The following RETREG3 variants were observed in gnomAD, a reference collection of about 807,000 sequenced individuals.
The protein encoded by RETREG3 is reticulophagy regulator family member 3.
A neutral mutation model predicts 50.2 loss-of-function variants in RETREG3; 23 were observed. The observed-to-expected ratio is 0.46, with a 90% CI of 0.33 to 0.65. The LOEUF is 0.65. Ranked by LOEUF, RETREG3 falls within the 30% of genes least tolerant of loss-of-function variation. RETREG3 has a pLI of 0.02. For synonymous variants in RETREG3, 240 were observed against 234.4 expected (o/e 1.02, Z -0.22); for missense variants, 546 against 598.0 (o/e 0.91, Z 0.91).
At chr17:42,582,337 G>T in intron 8 of RETREG3, 67 bp from the exon 9 acceptor site, 1 of 1,472,380 alleles carries the variant, frequency 6.8e-7, no homozygotes, top group Non-Finnish European at 9.1e-7. Flanking sequence ...AGCCCCACAT[G>T]ACCAGATTTT....
In RETREG3 at chr17:42,609,178, G is replaced by GT; in HGVS notation, c.146dup (p.Tyr49Ter). 1 of 1,609,430 alleles carries GT rather than the reference G, an allele frequency of 6.2e-7. No individual in the cohort carries two copies. The highest frequency in any genetic ancestry group is 8.5e-7 in the Non-Finnish European group (1 of 1,179,752). ...QRALVEVLGP[Y>*]EPLLSRVQAA... Reference sequence around the variant, plus strand: ...CCTGCACCCGACTCAGCAGAGGCTCGTAAGGCCCCAGCACCTCCACCAGGG... The same window carrying GT: ...CCTGCACCCGACTCAGCAGAGGCTCGTTAAGGCCCCAGCACCTCCACCAGGG... The change falls in exon 1 of 9, where the codon TAC becomes TAAC. Residue 49 changes from tyrosine (Y) to a stop codon, truncating the protein, a stop_gained and frameshift_variant. Transcript: ENST00000309428. LOFTEE classifies it high-confidence loss of function.
intron 1 of RETREG3, among the ~76,000 whole-genome samples, chr17:42,601,279 A>T (rs1019098443): frequency 6.6e-6 from 1 of 151,054 alleles, no homozygotes; most frequent in South Asian, 2.1e-4. Context: ...TCCATCTCAA[A>T]TAAAATAAAA....
chr17:42,583,187 A>G (rs1366038022), intron 7 of RETREG3, among the ~76,000 whole-genome samples: 13 of 152,304 alleles, frequency 8.5e-5, no homozygotes, highest in Non-Finnish European at 5.9e-5. Context: ...GCACAGACCC[A>G]AGGGTGAACT....
intron 1 of RETREG3, chr17:42,599,031 A>G (rs2093153473): frequency 6.6e-6 from 1 of 151,878 alleles, no homozygotes; most frequent in African/African-American, 2.4e-5. Flanking sequence ...CCTAGTTTCT[A>G]TTTGTGTTAG....
At chr17:42,586,387 T>C in intron 4 of RETREG3, 1 of 467,350 alleles carries the variant, frequency 2.1e-6, no homozygotes, top group Non-Finnish European at 3.8e-6. Flanking sequence ...GAATAGGACT[T>C]AGCCAAAAAT....
At chr17:42,604,105 A>G (rs1424784667) in intron 1 of RETREG3, among the ~76,000 whole-genome samples, 1 of 152,154 alleles carries the variant, frequency 6.6e-6, no homozygotes. Flanking sequence ...CTAACCTTCT[A>G]ACTCAGAATT....
intron 6 of RETREG3, among the ~76,000 whole-genome samples, chr17:42,584,032 T>A (rs2093116028): frequency 6.6e-6 from 1 of 152,160 alleles, no homozygotes; most frequent in Admixed American, 6.5e-5. Context: ...GGTCTCGAAC[T>A]CCTGACCTAA....
intron 6 of RETREG3, 142 bp downstream of exon 6, chr17:42,584,983 A>T: frequency 1.0e-6 from 1 of 1,004,986 alleles, no homozygotes; most frequent in Non-Finnish European, 1.4e-6. Flanking sequence ...AGAACAGAAT[A>T]TCATTTTTAC....
chr17:42,597,850 G>A (rs972229199), intron 1 of RETREG3, among the ~76,000 whole-genome samples: 1 of 149,712 alleles, frequency 6.7e-6, no homozygotes, highest in African/African-American at 2.5e-5. Flanking sequence ...GGCTGGTCTC[G>A]AATCCCTGAT....
At chr17:42,602,550 T>A (rs570837298) in intron 1 of RETREG3, among the ~76,000 whole-genome samples, 1 of 152,336 alleles carries the variant, frequency 6.6e-6, no homozygotes, top group Admixed American at 6.5e-5. Flanking sequence ...GCTTAAAATA[T>A]GTTACCAAAC....
chr17:42,603,955 C>A (rs1451662751), intron 1 of RETREG3, among the ~76,000 whole-genome samples: 1 of 149,178 alleles, frequency 6.7e-6, no homozygotes, highest in African/African-American at 2.5e-5. Context: ...CCAGCCTGGG[C>A]GACAGAGCGA....
intron 1 of RETREG3, among the ~76,000 whole-genome samples, chr17:42,604,221 C>T (rs1394292314): frequency 6.6e-6 from 1 of 151,924 alleles, no homozygotes; most frequent in Non-Finnish European, 1.5e-5. Flanking sequence ...ATAACAAATT[C>T]TATAATAACC....
intron 1 of RETREG3, chr17:42,599,128 T>G (rs2093153720): frequency 2.6e-5 from 4 of 152,088 alleles, no homozygotes; most frequent in Admixed American, 2.6e-4. Flanking sequence ...AAAACAGCGA[T>G]GCCATGTGCT....
chr17:42,583,442 G>T, intron 7 of RETREG3, 56 bp downstream of exon 7: 1 of 1,565,782 alleles, frequency 6.4e-7, no homozygotes, highest in Non-Finnish European at 8.8e-7. Flanking sequence ...CTGTCGGATG[G>T]TTAAAAGGTA....
intron 2 of RETREG3, among the ~76,000 whole-genome samples, chr17:42,589,870 C>A (rs1381371122): frequency 6.6e-6 from 1 of 152,222 alleles, no homozygotes; most frequent in African/African-American, 2.4e-5. Flanking sequence ...TTCCACTTTT[C>A]CTCCTTCCAT....
chr17:42,599,462 C>A (rs1297634857), intron 1 of RETREG3, among the ~76,000 whole-genome samples: 1 of 151,714 alleles, frequency 6.6e-6, no homozygotes, highest in Non-Finnish European at 1.5e-5. Context: ...TGAGACCAGC[C>A]TAGCTAACAT....
chr17:42,597,758 G>A (rs2093150537), intron 1 of RETREG3, among the ~76,000 whole-genome samples: 1 of 148,796 alleles, frequency 6.7e-6, no homozygotes, highest in African/African-American at 2.5e-5. Context: ...AGCCTCCTGA[G>A]TAGCTGGGGT....
intron 1 of RETREG3, among the ~76,000 whole-genome samples, chr17:42,603,908 T>C (rs1361570027): frequency 6.7e-6 from 1 of 149,262 alleles, no homozygotes; most frequent in Admixed American, 6.7e-5. Flanking sequence ...ACCCGGGAGG[T>C]GGAGCTTGCA....
At chr17:42,597,764 G>C (rs779281418) in intron 1 of RETREG3, among the ~76,000 whole-genome samples, 1 of 149,568 alleles carries the variant, frequency 6.7e-6, no homozygotes, top group Non-Finnish European at 1.5e-5. Context: ...CTGAGTAGCT[G>C]GGGTTAAGGT....
Sources: gnomAD v4.1 joint callset for allele counts (sites outside exome capture counted in the v4.1 genomes callset) on GRCh38, gnomAD v4.1.1 for gene constraint, MANE v1.5 for transcripts, NCBI Gene and HGNC (gene_info 2026-07-23, HGNC 2026-07-21) for gene names.